The following FAM13C variants were observed in gnomAD, a reference collection of about 807,000 sequenced individuals.
FAM13C encodes the protein family with sequence similarity 13 member C.
Under a neutral mutation model 73.2 loss-of-function variants are expected in FAM13C, and 37 were observed. The ratio of observed to expected loss-of-function variants is 0.51; its 90% confidence interval spans 0.39 to 0.67. The LOEUF is 0.67. Ranked by LOEUF, FAM13C falls within the 30% of genes least tolerant of loss-of-function variation. FAM13C has a pLI of 0.00. For synonymous variants in FAM13C, 246 were observed against 260.9 expected (o/e 0.94, Z 0.55); for missense variants, 589 against 715.6 (o/e 0.82, Z 2.02).
chr10:59,325,482 A>G (rs115116902), intron 3 of FAM13C, among the ~76,000 whole-genome samples: 37 of 152,322 alleles, frequency 2.4e-4, no homozygotes, highest in African/African-American at 8.4e-4. Flanking sequence ...GACACTCCAC[A>G]TGAAAAGTTT....
At chr10:59,292,355 G>T (rs1456375561) in intron 5 of FAM13C, among the ~76,000 whole-genome samples, 2 of 152,192 alleles carry the variant, frequency 1.3e-5, no homozygotes, top group Admixed American at 1.3e-4. Flanking sequence ...TTTCTTTGTG[G>T]CTTTGTTTCC....
rs745920675 is a variant in FAM13C at position 59,268,593 on chromosome 10, C to A, written c.902G>T (p.Arg301Leu). Residue 301 changes from arginine (R) to leucine (L), a missense_variant, in exon 8 of 14, where the codon CGG (arginine) becomes CTG (leucine). Physicochemically the swap from Arg to Leu is moderately radical, Grantham distance 102. Transcript: ENST00000618804. ...KHIQSLKRKI[R>L]KFEEKFEQEK... ...TTGTTCAAATTTTTCTTCAAATTTC[C>A]GAATTTTCCGCTTGAGGCTCTGGAT... The A allele has an allele frequency of 6.2e-7, 1 of 1,613,710 alleles. No homozygotes were observed.
intron 12 of FAM13C, 73 bp from the exon 13 acceptor site, chr10:59,251,749 G>A: frequency 8.6e-7 from 1 of 1,165,678 alleles, no homozygotes. Flanking sequence ...AGATTTATCT[G>A]TTCAGCCAAA....
intron 1 of FAM13C, among the ~76,000 whole-genome samples, chr10:59,360,497 T>A (rs886458888): frequency 6.6e-6 from 1 of 152,070 alleles, no homozygotes; most frequent in Non-Finnish European, 1.5e-5. Flanking sequence ...GCTATGTCTG[T>A]GTCTCAGGAT....
In FAM13C at chr10:59,247,451, T is replaced by C; in HGVS notation, c.*163A>G. 1.2e-6 allele frequency: 1 copy of C among 817,484 alleles called. No individual in the cohort carries two copies. Among genetic ancestry groups the C allele is most frequent in the Middle Eastern group, 3.2e-4 (1 of 3,138 alleles). The allele number at this position is 817,484 out of a possible 1,614,324, so 50.6% of individuals were successfully genotyped here. On this transcript the variant is annotated 3_prime_UTR_variant, in exon 14 of 14. Coordinates refer to ENST00000618804, the MANE Select transcript of FAM13C (RefSeq NM_198215.4). ...TTCTTCCCCCCGTTTAAATCCCTTC[T>C]CCTTGTATATAATTAAACTTGCTAT... is the stretch of plus-strand genomic sequence containing the variant.
intron 3 of FAM13C, among the ~76,000 whole-genome samples, chr10:59,344,342 G>A (rs1446532452): frequency 2.0e-5 from 3 of 147,712 alleles, no homozygotes; most frequent in Non-Finnish European, 4.5e-5. Flanking sequence ...GCAGCAGCGC[G>A]ATCTCGGCTC....
intron 3 of FAM13C, among the ~76,000 whole-genome samples, chr10:59,345,879 A>C (rs1427725233): frequency 1.3e-5 from 2 of 152,260 alleles, no homozygotes; most frequent in East Asian, 3.8e-4. Context: ...CATGAGAAAT[A>C]ATACAACATG....
At chr10:59,343,407 G>C (rs1853774366) in intron 3 of FAM13C, among the ~76,000 whole-genome samples, 1 of 108,144 alleles carries the variant, frequency 9.2e-6, no homozygotes, top group East Asian at 2.5e-4. Flanking sequence ...GGCTAGAAAA[G>C]AAAAAAGACC....
At chr10:59,275,431 C>T (rs1844217955) in intron 6 of FAM13C, among the ~76,000 whole-genome samples, 1 of 152,146 alleles carries the variant, frequency 6.6e-6, no homozygotes, top group Non-Finnish European at 1.5e-5. Flanking sequence ...AGACACCAAG[C>T]TTCTGGGCAT....
chr10:59,355,860 T>C lies in FAM13C; in HGVS notation c.119+27A>G, dbSNP rs760804195. On this transcript the variant is annotated intron_variant, in intron 2 of 13. Coordinates refer to ENST00000618804, the MANE Select transcript of FAM13C (RefSeq NM_198215.4). Reference sequence around the variant, plus strand: ...CTAGATGGCTTCTGTCTCTCACAAATATGAACCAAGCAATGGTGGCTTTTA... The same window carrying C: ...CTAGATGGCTTCTGTCTCTCACAAACATGAACCAAGCAATGGTGGCTTTTA... The C allele has an allele frequency of 3.1e-6, 5 of 1,611,458 alleles. No homozygotes were observed. In the South Asian group the frequency reaches 5.5e-5, roughly 18 times the overall value.
intron 4 of FAM13C, among the ~76,000 whole-genome samples, chr10:59,319,119 A>ACACAG (rs1849892168): frequency 7.9e-6 from 1 of 126,844 alleles, no homozygotes; most frequent in Non-Finnish European, 1.6e-5. Context: ...ACACACACAC[A>ACACAG]TTGTCTATCT....
Position 59,302,841 on chromosome 10 carries a change from G to A in FAM13C, c.467C>T (p.Ser156Leu), listed in dbSNP as rs781708491. Residue 156 changes from serine to leucine, a missense_variant, in exon 5 of 14, where the codon TCG becomes TTG. Transcript: ENST00000618804. ...CCGAGTTTCAAAAGCATCCTTTGGC[G>A]AAATGGCAGTCCTCTGGTCTATTCT... Reference protein sequence around the residue: ...QPRIDQRTAISPKDAFETRQD... With the variant: ...QPRIDQRTAILPKDAFETRQD... 1.4e-5 allele frequency: 23 copies of A among 1,613,890 alleles called. No individual in the cohort carries two copies. The South Asian group carries it at 1.4e-4, about 10-fold the overall frequency.
chr10:59,308,540 C>CCCACCACCACCACCAGCACCACCAACCA (rs1848526572), intron 4 of FAM13C, among the ~76,000 whole-genome samples: 2 of 45,954 alleles, frequency 4.4e-5, no homozygotes, highest in Non-Finnish European at 1.2e-4. Flanking sequence ...CATCATCACC[C>CCCACCACCACCACCAGCACCACCAACCA]CCACCACCAC....
At chr10:59,297,038 TCTCA>T (rs1245390530) in intron 5 of FAM13C, 1 of 152,242 alleles carries the variant, frequency 6.6e-6, no homozygotes, top group Non-Finnish European at 1.5e-5. Flanking sequence ...GCTATTATCC[TCTCA>T]CTCTAACCCA....
chr10:59,268,759 T>C (rs1843370860), intron 7 of FAM13C, 68 bp from the exon 8 acceptor site: 1 of 1,542,922 alleles, frequency 6.5e-7, no homozygotes, highest in East Asian at 2.3e-5. Flanking sequence ...TCTGTTGATC[T>C]ACAAACCAAA....
intron 10 of FAM13C, among the ~76,000 whole-genome samples, chr10:59,262,102 T>C (rs1274187803): frequency 1.3e-5 from 2 of 152,194 alleles, no homozygotes; most frequent in Admixed American, 1.3e-4. Flanking sequence ...GTCCTTTCCT[T>C]TTAGGCACTA....
chr10:59,267,616 C>A (rs751323631), intron 8 of FAM13C, among the ~76,000 whole-genome samples: 1 of 152,136 alleles, frequency 6.6e-6, no homozygotes, highest in Admixed American at 6.6e-5. Context: ...GAATTTCAGG[C>A]CACTGTGGGA....
At chr10:59,333,067 C>T (rs531115001) in intron 3 of FAM13C, among the ~76,000 whole-genome samples, 25 of 152,040 alleles carry the variant, frequency 1.6e-4, no homozygotes, top group Non-Finnish European at 2.6e-4. Context: ...TCTCCAACTT[C>T]TGGGCACAAG....
intron 13 of FAM13C, among the ~76,000 whole-genome samples, chr10:59,249,865 A>C (rs898660389): frequency 2.6e-5 from 4 of 152,222 alleles, no homozygotes; most frequent in African/African-American, 4.8e-5. Flanking sequence ...GGAACACTAT[A>C]CATAGAACAT....
Sources: gnomAD v4.1 joint callset for allele counts (sites outside exome capture counted in the v4.1 genomes callset) on GRCh38, gnomAD v4.1.1 for gene constraint, MANE v1.5 for transcripts, NCBI Gene and HGNC (gene_info 2026-07-23, HGNC 2026-07-21) for gene names.